The following TMEM234 variants were observed in gnomAD, a reference collection of about 807,000 sequenced individuals.
TMEM234 encodes transmembrane protein 234.
A neutral mutation model predicts 17.8 loss-of-function variants in TMEM234; 21 were observed. The ratio of observed to expected loss-of-function variants is 1.18; its 90% CI spans 0.84 to 1.70. The LOEUF is 1.70. TMEM234 is among the 40% of genes most tolerant of loss of function. The pLI is 0.00. For synonymous variants in TMEM234, 83 were observed against 73.5 expected (o/e 1.13, Z -0.66); for missense variants, 137 against 166.9 (o/e 0.82, Z 0.99).
chr1:32,216,699 T>G lies in TMEM234; in HGVS notation c.*154A>C, dbSNP rs1347368864. ...TTACAAAACTCTTTCACTCTTGTTC[T>G]CTTATTGTGATCCATGAGGTAGCTG... On this transcript the variant is annotated 3_prime_UTR_variant, in exon 5 of 5. Transcript: ENST00000309777. The G allele has an allele frequency of 1.3e-6, 2 of 1,496,478 alleles. No homozygotes were observed. The highest frequency in any genetic ancestry group is 5.0e-5 in the East Asian group (2 of 40,370). The allele number at this position is 1,496,478 out of a possible 1,614,324, so 92.7% of individuals were successfully genotyped here. A position where few individuals can be genotyped will look rare whatever the true frequency, so the allele number is the denominator to read the frequency against.
intron 3 of TMEM234, among the ~76,000 whole-genome samples, chr1:32,220,585 A>G (rs1265970916): frequency 1.3e-5 from 2 of 152,226 alleles, no homozygotes; most frequent in Admixed American, 1.3e-4. Flanking sequence ...TAAGATAATC[A>G]TATCTGCTTT....
At chr1:32,214,667 T>G, downstream of TMEM234, 1 of 1,359,312 alleles carries the variant, frequency 7.4e-7, no homozygotes, top group South Asian at 1.4e-5. Context: ...GGACGTACTT[T>G]GTGAAGACAG....
In TMEM234 at chr1:32,221,862, C is replaced by A. The variant is rs1351137512; in HGVS notation, c.168+5G>T. The A allele has an allele frequency of 1.2e-6, 2 of 1,613,000 alleles. No homozygotes were observed. Among genetic ancestry groups the A allele is most frequent in the Admixed American group, 1.7e-5 (1 of 59,994 alleles). Reference sequence around the variant, plus strand: ...CCGAGAGAGGGGCCTTTCACAGAGACGCACCTCAGTATTCAAGAAGAGGGT... The same window carrying A: ...CCGAGAGAGGGGCCTTTCACAGAGAAGCACCTCAGTATTCAAGAAGAGGGT... On this transcript the variant is annotated splice_donor_5th_base_variant and intron_variant, in intron 2 of 4. Coordinates refer to ENST00000309777, the MANE Select transcript of TMEM234 (RefSeq NM_019118.5).
intron 2 of TMEM234, 41 bp from the exon 3 acceptor site, chr1:32,221,238 C>A: frequency 6.8e-7 from 1 of 1,475,500 alleles, no homozygotes. Flanking sequence ...GATGGCCTGA[C>A]TGAGCAGCAC....
intron 3 of TMEM234, chr1:32,217,713 T>C: frequency 2.4e-6 from 1 of 412,316 alleles, no homozygotes; most frequent in South Asian, 2.0e-5. Context: ...ACAGCCACCA[T>C]TTATTAAGCA....
In TMEM234 at chr1:32,221,158, G is replaced by A; in HGVS notation, c.208C>T (p.Leu70Phe). The A allele has an allele frequency of 4.3e-6, 7 of 1,613,578 alleles. No individual in the cohort carries two copies. Among genetic ancestry groups the A allele is most frequent in the East Asian group, 2.2e-5 (1 of 44,866 alleles). ...PFLLNQCGSL[L>F]YYLTLASTDL... Reference sequence around the variant, plus strand: ...GTCGATGCCAAGGTGAGGTAATAGAGAAGGGATCCACACTGGTTGAGGAGA... The same window carrying A: ...GTCGATGCCAAGGTGAGGTAATAGAAAAGGGATCCACACTGGTTGAGGAGA... The change falls in exon 3 of 5, where the codon CTC (leucine) becomes TTC (phenylalanine). Residue 70 changes from leucine (L) to phenylalanine (F), a missense_variant. Leu to Phe is a conservative substitution (Grantham distance 22, BLOSUM62 0). Transcript: ENST00000309777.
chr1:32,215,257 G>A (rs1180939655), downstream of TMEM234: 2 of 609,854 alleles, frequency 3.3e-6, no homozygotes, highest in East Asian at 2.9e-5. Flanking sequence ...CTTCAGGGGT[G>A]GGATATAGAG....
In TMEM234 at chr1:32,217,090, A is replaced by C. The variant is rs773641565; in HGVS notation, c.329-143T>G. On this transcript the variant is annotated intron_variant, in intron 4 of 4. Transcript: ENST00000309777. ...TGTCTTTCTCCAGACTGTCCAGGGG[A>C]AGGGAACTCTGATGGCCACAAGGAA... The C allele has an allele frequency of 1.9e-6, 3 of 1,565,448 alleles. No individual in the cohort carries two copies. In the Admixed American group the frequency reaches 5.8e-5, roughly 30 times the overall value.
intron 3 of TMEM234, among the ~76,000 whole-genome samples, chr1:32,219,319 G>A (rs1638686461): frequency 6.6e-6 from 1 of 152,148 alleles, no homozygotes; most frequent in African/African-American, 2.4e-5. Context: ...CCCCAGCATG[G>A]AGGCATTACC....
intron 3 of TMEM234, among the ~76,000 whole-genome samples, chr1:32,217,960 G>C (rs1036687011): frequency 6.6e-6 from 1 of 152,234 alleles, no homozygotes; most frequent in African/African-American, 2.4e-5. Context: ...TTCAGCCCAA[G>C]CTCAGGCCTT....
chr1:32,220,788 C>A (rs984519119), intron 3 of TMEM234, among the ~76,000 whole-genome samples: 3 of 152,122 alleles, frequency 2.0e-5, no homozygotes, highest in Admixed American at 1.3e-4. Flanking sequence ...TATATAAAAC[C>A]AAGGCTCAAA....
downstream of TMEM234, chr1:32,215,065 A>AG (rs957718354): frequency 4.0e-5 from 54 of 1,341,226 alleles, no homozygotes; most frequent in Non-Finnish European, 5.1e-5. Flanking sequence ...AAAAAAAAAA[A>AG]AAGATAAAGG....
downstream of TMEM234, chr1:32,215,094 C>A: frequency 9.9e-7 from 1 of 1,007,372 alleles, no homozygotes; most frequent in Non-Finnish European, 1.4e-6. Context: ...CCTACTGTGG[C>A]TCAGGAGACT....
chr1:32,221,805 C>G (rs891797864), intron 2 of TMEM234, 62 bp downstream of exon 2: 6 of 1,601,456 alleles, frequency 3.7e-6, no homozygotes, highest in Non-Finnish European at 4.3e-6. Context: ...ACCTGTTTGA[C>G]TCCAAAGACC....
At chr1:32,214,491 T>C (rs1229510629), downstream of TMEM234, 7 of 356,530 alleles carry the variant, frequency 2.0e-5, no homozygotes, top group East Asian at 2.2e-4. Context: ...AGGGAACTTA[T>C]ATTATCCAGC....
chr1:32,216,968 C>G (rs1440711369), intron 4 of TMEM234, 21 bp from the exon 5 acceptor site: 1 of 1,614,096 alleles, frequency 6.2e-7, no homozygotes. Flanking sequence ...AGGCAGAAAT[C>G]AGGAGGGTCT....
In TMEM234 at chr1:32,216,308, A is replaced by AT. The variant is rs2124220106; in HGVS notation, c.*544dup. The AT allele has an allele frequency of 6.6e-7, 1 of 1,513,504 alleles. No individual in the cohort carries two copies. Among genetic ancestry groups the AT allele is most frequent in the African/African-American group, 1.4e-5 (1 of 72,632 alleles). 93.8% of individuals were successfully genotyped at this position (1,513,504 alleles called of 1,614,324 possible). ...TGTTTAAGAGGGGCTGGCAGTGAGGATTTCTGCCTACCTCATGGGTGGGGC... is the reference window on the plus strand; with the variant it reads ...TGTTTAAGAGGGGCTGGCAGTGAGGATTTTCTGCCTACCTCATGGGTGGGGC... On this transcript the variant is annotated 3_prime_UTR_variant, in exon 5 of 5. Coordinates refer to ENST00000309777, the MANE Select transcript of TMEM234 (RefSeq NM_019118.5).
intron 4 of TMEM234, 109 bp from the exon 5 acceptor site, chr1:32,217,056 C>G (rs758594058): frequency 6.3e-7 from 1 of 1,575,046 alleles, no homozygotes. Context: ...AATCCCAAAC[C>G]CCAGCCTCTG....
In TMEM234 at chr1:32,220,996, G is replaced by GT. The variant is rs1439084384; in HGVS notation, c.235+134dup. 7 of 675,030 alleles carry GT rather than the reference G, an allele frequency of 1.0e-5. No homozygotes were observed. In the African/African-American group the frequency reaches 1.1e-4, roughly 10 times the overall value. The allele number at this position is 675,030 out of a possible 1,614,324, so 41.8% of individuals were successfully genotyped here. ...CCCCTCTTGTTCAGAGAAGAGGATAGTAAGAGGGAACTAGAGCTAGTCAGC... is the reference window on the plus strand; with the variant it reads ...CCCCTCTTGTTCAGAGAAGAGGATAGTTAAGAGGGAACTAGAGCTAGTCAGC... On this transcript the variant is annotated intron_variant, in intron 3 of 4. Transcript: ENST00000309777.
Sources: allele counts gnomAD v4.1 joint callset (sites outside exome capture counted in the v4.1 genomes callset), GRCh38; gene constraint gnomAD v4.1.1; transcripts MANE v1.5; gene names NCBI Gene and HGNC (gene_info 2026-07-23, HGNC 2026-07-21).